MCL1: variants seen among roughly 807,000 people sequenced by gnomAD.
MCL1 encodes induced myeloid leukemia cell differentiation protein Mcl-1.
MCL1 carries 4 observed loss-of-function variants against 24.2 expected under a neutral mutation model. The ratio of observed to expected loss-of-function variants is 0.17; its 90% CI spans 0.08 to 0.38. The LOEUF is 0.38. Among genes scored for constraint, MCL1 ranks in the 10% least tolerant of loss-of-function variants. The probability of loss-of-function intolerance (pLI) is 1.00; values close to 1 mark genes in which losing one functional copy is unlikely to be tolerated. For synonymous variants in MCL1, 248 were observed against 214.0 expected (o/e 1.16, Z -1.39); for missense variants, 529 against 480.3 (o/e 1.10, Z -0.95).
Position 150,579,134 on chromosome 1 carries a change from G to A in MCL1, c.397C>T (p.Pro133Ser), listed in dbSNP as rs771817704. The A allele has an allele frequency of 8.7e-6, 14 of 1,612,324 alleles. No individual in the cohort carries two copies. Among genetic ancestry groups the A allele is most frequent in the East Asian group, 2.2e-5 (1 of 44,894 alleles). Residue 133 changes from proline to serine, a missense_variant, in exon 1 of 3, where the codon CCT becomes TCT. Coordinates refer to ENST00000369026, the MANE Select transcript of MCL1 (RefSeq NM_021960.5). ...EEELDGYEPE[P>S]LGKRPAVLPL... ...AGGACAGCCGGCCGCTTCCCGAGAGGCTCCGGCTCGTACCCGTCCAGCTCC... is the reference window on the plus strand; with the variant it reads ...AGGACAGCCGGCCGCTTCCCGAGAGACTCCGGCTCGTACCCGTCCAGCTCC...
At position 150,578,232 on chromosome 1, in the gene MCL1, A is replaced by T; in HGVS notation, c.936+12T>A. On this transcript the variant is annotated intron_variant, in intron 2 of 2. Coordinates refer to ENST00000369026, the MANE Select transcript of MCL1 (RefSeq NM_021960.5). Reference sequence around the variant, plus strand: ...CACTCCAAGGCCCCTTTCATCCTTAAGGCAAACTTACCCAGCCTCTTTGTT... The same window carrying T: ...CACTCCAAGGCCCCTTTCATCCTTATGGCAAACTTACCCAGCCTCTTTGTT... 1 of 1,610,548 alleles carries T rather than the reference A, an allele frequency of 6.2e-7. No homozygotes were observed. Among genetic ancestry groups the T allele is most frequent in the Non-Finnish European group, 8.5e-7 (1 of 1,178,468 alleles).
rs2101693121 is a variant in MCL1 at position 150,577,338 on chromosome 1, G to A, written c.*37C>T. ...ATAAACTGGTTTTGGTGGTGGTGGT[G>A]GTTGGTTAAAAGTCAACTATTGCAC... On this transcript the variant is annotated 3_prime_UTR_variant, in exon 3 of 3. Transcript: ENST00000369026. The A allele has an allele frequency of 6.2e-7, 1 of 1,605,792 alleles. No individual in the cohort carries two copies. Among genetic ancestry groups the A allele is most frequent in the Non-Finnish European group, 8.5e-7 (1 of 1,176,288 alleles).
chr1:150,576,055 C>G lies in MCL1; in HGVS notation c.*1320G>C, dbSNP rs1168293536. On this transcript the variant is annotated 3_prime_UTR_variant, in exon 3 of 3. Coordinates refer to ENST00000369026, the MANE Select transcript of MCL1 (RefSeq NM_021960.5). Reference sequence around the variant, plus strand: ...GCCTAATAATAGCACCATGGTTAGACTAGCCTGCTTTTCCAAGCCATCATT... The same window carrying G: ...GCCTAATAATAGCACCATGGTTAGAGTAGCCTGCTTTTCCAAGCCATCATT... 4.3e-6 allele frequency: 1 copy of G among 233,526 alleles called. No homozygotes were observed. The highest frequency in any genetic ancestry group is 6.0e-5 in the East Asian group (1 of 16,580). 14.5% of individuals were successfully genotyped at this position (233,526 alleles called of 1,614,324 possible).
chr1:150,579,016 T>C lies in MCL1; in HGVS notation c.515A>G (p.Asp172Gly). The C allele has an allele frequency of 6.2e-7, 1 of 1,612,416 alleles. No individual in the cohort carries two copies. The highest frequency in any genetic ancestry group is 8.5e-7 in the Non-Finnish European group (1 of 1,179,428). ...STPPPAEEEEDELYRQSLEII... is the reference protein window; with the variant it reads ...STPPPAEEEEGELYRQSLEII... ...CTCCAGCGACTGCCGGTACAACTCG[T>C]CCTCCTCCTCCTCTGCTGGCGGCGG... Residue 172 changes from aspartate (D) to glycine (G), a missense_variant, in exon 1 of 3, where the codon GAC (aspartate) becomes GGC (glycine). Asp to Gly is a moderately conservative substitution (Grantham distance 94). Transcript: ENST00000369026.
In MCL1 at chr1:150,579,211, G is replaced by A. The variant is rs1647967142; in HGVS notation, c.320C>T (p.Pro107Leu). The A allele has an allele frequency of 2.5e-6, 4 of 1,576,602 alleles. No homozygotes were observed. Among genetic ancestry groups the A allele is most frequent in the Non-Finnish European group, 3.4e-6 (4 of 1,164,508 alleles). ...LFFAPTRRAA[P>L]LEEMEAPAAD... is the part of the protein sequence containing the mutation. Reference sequence around the variant, plus strand: ...GGCCGGGGCTTCCATCTCCTCAAGCGGCGCCGCGCGGCGGGTGGGCGCGAA... The same window carrying A: ...GGCCGGGGCTTCCATCTCCTCAAGCAGCGCCGCGCGGCGGGTGGGCGCGAA... The change falls in exon 1 of 3, where the codon CCG becomes CTG. Residue 107 changes from proline to leucine, a missense_variant. Physicochemically the swap from Pro to Leu is moderately conservative, Grantham distance 98. Transcript: ENST00000369026.
In MCL1 at chr1:150,575,110, T is replaced by C. The variant is rs915346401; in HGVS notation, c.*2265A>G. Reference sequence around the variant, plus strand: ...GGCAGACAGGCTTTTTTAGTTACCGTAACCAGATCTTAAGATTAATTAAAA... The same window carrying C: ...GGCAGACAGGCTTTTTTAGTTACCGCAACCAGATCTTAAGATTAATTAAAA... On this transcript the variant is annotated 3_prime_UTR_variant, in exon 3 of 3. Transcript: ENST00000369026. The C allele has an allele frequency of 4.3e-6, 1 of 233,416 alleles. No individual in the cohort carries two copies. Among genetic ancestry groups the C allele is most frequent in the Non-Finnish European group, 8.5e-6 (1 of 117,876 alleles). 14.5% of individuals were successfully genotyped at this position (233,416 alleles called of 1,614,324 possible).
rs1647801015 is a variant in MCL1, at chr1:150,576,302, A to C, written c.*1073T>G. 1 of 233,030 alleles carries C rather than the reference A, an allele frequency of 4.3e-6. No individual in the cohort carries two copies. Among genetic ancestry groups the C allele is most frequent in the Non-Finnish European group, 8.5e-6 (1 of 117,772 alleles). 14.4% of individuals were successfully genotyped at this position (233,030 alleles called of 1,614,324 possible). ...AATCAGAGCCCATTATTTGTAAGTC[A>C]TCAGTAACCTTAAAACTCCACTTAG... On this transcript the variant is annotated 3_prime_UTR_variant, in exon 3 of 3. Transcript: ENST00000369026.
chr1:150,578,174 CA>C (rs1647895149), intron 2 of MCL1, 69 bp downstream of exon 2: 1 of 1,533,940 alleles, frequency 6.5e-7, no homozygotes, highest in African/African-American at 1.4e-5. Context: ...TAGATATCCC[CA>C]CCTCTCTAAA....
At chr1:150,578,126 G>C in intron 2 of MCL1, 118 bp downstream of exon 2, 2 of 1,113,312 alleles carry the variant, frequency 1.8e-6, no homozygotes, top group Non-Finnish European at 1.3e-6. Context: ...TGGTCCTTTA[G>C]TTAGAGCCTG....
rs1223718671 is a variant in MCL1 at position 150,578,272 on chromosome 1, C to T, written c.908G>A (p.Arg303Gln). ...GCCTCTTTGTTTAACTAGCCAGTCCCGTTTTGTCCTTACGAGAACGTCTGT... is the reference window on the plus strand; with the variant it reads ...GCCTCTTTGTTTAACTAGCCAGTCCTGTTTTGTCCTTACGAGAACGTCTGT... Reference protein sequence around the residue: ...SITDVLVRTKRDWLVKQRGWD... With the variant: ...SITDVLVRTKQDWLVKQRGWD... The change falls in exon 2 of 3, where the codon CGG becomes CAG. Residue 303 changes from arginine (R) to glutamine (Q), a missense_variant. Arg to Gln is a conservative substitution (Grantham distance 43). Transcript: ENST00000369026. 1.9e-6 allele frequency: 3 copies of T among 1,613,994 alleles called. No homozygotes were observed. The highest frequency in any genetic ancestry group is 1.3e-5 in the African/African-American group (1 of 74,898).
At position 150,575,402 on chromosome 1, in the gene MCL1, T is replaced by C. The variant is rs768964965; in HGVS notation, c.*1973A>G. ...TCCAATATAGACACTTTCTTCAGTT[T>C]ATCAGTAGCTTTTAAACTCTGAGGT... is the stretch of plus-strand genomic sequence containing the variant. On this transcript the variant is annotated 3_prime_UTR_variant, in exon 3 of 3. Coordinates refer to ENST00000369026, the MANE Select transcript of MCL1 (RefSeq NM_021960.5). 1.6e-4 allele frequency: 38 copies of C among 232,876 alleles called. No individual in the cohort carries two copies. The highest frequency in any genetic ancestry group is 2.2e-5 in the African/African-American group (1 of 45,326). The allele number at this position is 232,876 out of a possible 1,614,324, so 14.4% of individuals were successfully genotyped here.
In MCL1 at chr1:150,576,160, G is replaced by A. The variant is rs1647790430; in HGVS notation, c.*1215C>T. 1 of 233,220 alleles carries A rather than the reference G, an allele frequency of 4.3e-6. No individual in the cohort carries two copies. The highest frequency in any genetic ancestry group is 2.2e-5 in the African/African-American group (1 of 45,330). 14.4% of individuals were successfully genotyped at this position (233,220 alleles called of 1,614,324 possible). ...ATCTTTTTATATGCACACAGCTAAT[G>A]AGTTCCATTCAGCTGAAAATCTTTT... On this transcript the variant is annotated 3_prime_UTR_variant, in exon 3 of 3. Coordinates refer to ENST00000369026, the MANE Select transcript of MCL1 (RefSeq NM_021960.5).
At chr1:150,578,620 T>C in intron 1 of MCL1, 129 bp from the exon 2 acceptor site, 1 of 1,219,600 alleles carries the variant, frequency 8.2e-7, no homozygotes, top group African/African-American at 1.5e-5. Context: ...CACTTGAAAT[T>C]GACATCCCAC....
Position 150,574,633 on chromosome 1 carries a change from A to G in MCL1, c.*2742T>C. The G allele has an allele frequency of 4.3e-6, 1 of 232,960 alleles. No individual in the cohort carries two copies. The highest frequency in any genetic ancestry group is 8.5e-6 in the Non-Finnish European group (1 of 117,618). The allele number at this position is 232,960 out of a possible 1,614,324, so 14.4% of individuals were successfully genotyped here. Reference sequence around the variant, plus strand: ...AAACACACTACATTTGACAACCAACATTAATTTGTAGTTGGTCCTAACCCT... The same window carrying G: ...AAACACACTACATTTGACAACCAACGTTAATTTGTAGTTGGTCCTAACCCT... On this transcript the variant is annotated 3_prime_UTR_variant, in exon 3 of 3. Coordinates refer to ENST00000369026, the MANE Select transcript of MCL1 (RefSeq NM_021960.5).
In MCL1 at chr1:150,578,972, G is replaced by A; in HGVS notation, c.559C>T (p.Arg187Trp). 3 of 1,613,636 alleles carry A rather than the reference G, an allele frequency of 1.9e-6. No homozygotes were observed. The highest frequency in any genetic ancestry group is 1.3e-5 in the African/African-American group (1 of 75,034). The change falls in exon 1 of 3, where the codon CGG becomes TGG. Residue 187 changes from arginine to tryptophan, a missense_variant. Arg to Trp is a moderately radical substitution (Grantham distance 101). Transcript: ENST00000369026. The stretch of plus-strand genomic sequence containing the variant: ...TCCTTGGCGCCGGTGGCCTGCTCCC[G>A]AAGGTACCGAGAGATAATCTCCAGC... ...QSLEIISRYL[R>W]EQATGAKDTK... is the part of the protein sequence containing the mutation.
chr1:150,579,111 G>A lies in MCL1; in HGVS notation c.420C>T (p.Val140=). The A allele has an allele frequency of 3.1e-6, 5 of 1,612,968 alleles. No homozygotes were observed. The highest frequency in any genetic ancestry group is 4.2e-6 in the Non-Finnish European group (5 of 1,180,038). The change falls in exon 1 of 3, where the codon GTC becomes GTT. Residue 140 remains valine (V), a synonymous_variant. Transcript: ENST00000369026. The part of the protein sequence containing the change: ...EPEPLGKRPA[V]LPLLELVGES... ...CCCCGACCAACTCCAGCAGCGGCAG[G>A]ACAGCCGGCCGCTTCCCGAGAGGCT...
rs1570984004 is a variant in MCL1 at position 150,579,424 on chromosome 1, A to G, written c.107T>C (p.Leu36Ser). ...GGCCGAGGCCTCCTTCTCCGTAGCCAAAAGTCGCCCTCCCGGGCGGGTGGC... is the reference window on the plus strand; with the variant it reads ...GGCCGAGGCCTCCTTCTCCGTAGCCGAAAGTCGCCCTCCCGGGCGGGTGGC... ...GGATRPGGRL[L>S]ATEKEASARR... is the part of the protein sequence containing the mutation. Residue 36 changes from leucine (L) to serine (S), a missense_variant, in exon 1 of 3, where the codon TTG becomes TCG. Coordinates refer to ENST00000369026, the MANE Select transcript of MCL1 (RefSeq NM_021960.5). 1 of 1,582,104 alleles carries G rather than the reference A, an allele frequency of 6.3e-7. No individual in the cohort carries two copies. The highest frequency in any genetic ancestry group is 8.6e-7 in the Non-Finnish European group (1 of 1,167,184).
intron 2 of MCL1, among the ~76,000 whole-genome samples, chr1:150,577,852 A>G (rs1373177141): frequency 6.6e-6 from 1 of 152,182 alleles, no homozygotes; most frequent in African/African-American, 2.4e-5. Flanking sequence ...AACGTAGTTA[A>G]GTACATCCTG....
At position 150,579,015 on chromosome 1, in the gene MCL1, G is replaced by GTCCTCC; in HGVS notation, c.510_515dup (p.Glu170_Glu171dup). 1 of 1,613,558 alleles carries GTCCTCC rather than the reference G, an allele frequency of 6.2e-7. No individual in the cohort carries two copies. The highest frequency in any genetic ancestry group is 1.1e-5 in the South Asian group (1 of 91,072). Reference sequence around the variant, plus strand: ...TCTCCAGCGACTGCCGGTACAACTCGTCCTCCTCCTCCTCTGCTGGCGGCG... The same window carrying GTCCTCC: ...TCTCCAGCGACTGCCGGTACAACTCGTCCTCCTCCTCCTCCTCCTCTGCTGGCGGCG... On this transcript the variant is annotated inframe_insertion, in exon 1 of 3. Transcript: ENST00000369026.
Sources: allele counts gnomAD v4.1 joint callset (sites outside exome capture counted in the v4.1 genomes callset), GRCh38; gene constraint gnomAD v4.1.1; transcripts MANE v1.5; gene names NCBI Gene and HGNC (gene_info 2026-07-23, HGNC 2026-07-21).